The following SND1 variants were observed in gnomAD, a reference collection of about 807,000 sequenced individuals.
SND1 encodes staphylococcal nuclease domain-containing protein 1.
In SND1, 38 loss-of-function variants were observed where a neutral mutation model predicts 121.7. That is an observed-to-expected ratio of 0.31 (90% CI 0.24 to 0.41). The LOEUF (loss-of-function observed/expected upper bound fraction) is 0.41, where lower values mean the gene tolerates loss of function less well. Ranked by LOEUF, SND1 falls within the 10% of genes least tolerant of loss-of-function variation. The pLI is 1.00. For synonymous variants in SND1, 401 were observed against 447.4 expected, an observed-to-expected ratio of 0.90 and a Z score of 1.31; for missense variants, 868 against 1,184.6, an observed-to-expected ratio of 0.73 and a Z score of 3.92.
chr7:127,849,205 A>G (rs923404800), intron 12 of SND1, among the ~76,000 whole-genome samples: 3 of 152,144 alleles, frequency 2.0e-5, no homozygotes, highest in African/African-American at 7.2e-5. Flanking sequence ...TAAGACACTT[A>G]AATAACTCTT....
Position 128,089,376 on chromosome 7 carries a change from G to A in SND1, c.2419-113G>A, listed in dbSNP as rs1356294303. 3 of 1,049,886 alleles carry A rather than the reference G, an allele frequency of 2.9e-6. No homozygotes were observed. In the African/African-American group the frequency reaches 4.8e-5, roughly 17 times the overall value. The allele number at this position is 1,049,886 out of a possible 1,614,324, so 65.0% of individuals were successfully genotyped here. A position where few individuals can be genotyped will look rare whatever the true frequency, so the allele number is the denominator to read the frequency against. On this transcript the variant is annotated intron_variant, in intron 21 of 23. Transcript: ENST00000354725. ...GCCAACCTCACTAGGGTTCTCTGGGGAGAAAATTACAGGCCCCTGCTGGCC... is the reference window on the plus strand; with the variant it reads ...GCCAACCTCACTAGGGTTCTCTGGGAAGAAAATTACAGGCCCCTGCTGGCC...
intron 10 of SND1, among the ~76,000 whole-genome samples, chr7:127,765,464 A>G (rs142160178): frequency 6.6e-6 from 1 of 152,348 alleles, no homozygotes; most frequent in Non-Finnish European, 1.5e-5. Context: ...TGAGAATAGT[A>G]AAATATCACA....
At chr7:127,788,522 GACCCAAT>G in intron 10 of SND1, among the ~76,000 whole-genome samples, 1 of 152,096 alleles carries the variant, frequency 6.6e-6, no homozygotes, top group Non-Finnish European at 1.5e-5. Flanking sequence ...GTTCTCTCTT[GACCCAAT>G]ACCCTCCTTT....
At chr7:127,957,191 G>A (rs1391271229) in intron 15 of SND1, among the ~76,000 whole-genome samples, 1 of 152,174 alleles carries the variant, frequency 6.6e-6, no homozygotes, top group African/African-American at 2.4e-5. Flanking sequence ...TTGTTATGTT[G>A]TCCCTGCTGC....
intron 15 of SND1, among the ~76,000 whole-genome samples, chr7:127,953,913 T>A (rs551440732): frequency 1.3e-5 from 2 of 152,358 alleles, no homozygotes; most frequent in East Asian, 3.9e-4. Context: ...CAGCATTCAG[T>A]GTAGCTACTT....
At chr7:127,834,680 C>T (rs1798832671) in intron 11 of SND1, among the ~76,000 whole-genome samples, 1 of 152,110 alleles carries the variant, frequency 6.6e-6, no homozygotes, top group Non-Finnish European at 1.5e-5. Flanking sequence ...TACTTAGCCA[C>T]AAAACTGACA....
At chr7:127,879,292 T>A (rs1044337405) in intron 12 of SND1, among the ~76,000 whole-genome samples, 3 of 152,164 alleles carry the variant, frequency 2.0e-5, no homozygotes, top group Non-Finnish European at 4.4e-5. Flanking sequence ...AGAACATGGA[T>A]GTTAGACATC....
intron 15 of SND1, among the ~76,000 whole-genome samples, chr7:127,951,479 A>C (rs760240558): frequency 2.0e-5 from 3 of 152,220 alleles, no homozygotes; most frequent in Non-Finnish European, 2.9e-5. Flanking sequence ...TATGTGAGAC[A>C]ATTAAGTTCT....
At chr7:128,004,303 T>C (rs947645155) in intron 16 of SND1, among the ~76,000 whole-genome samples, 27 of 152,146 alleles carry the variant, frequency 1.8e-4, no homozygotes, top group Non-Finnish European at 1.5e-4. Context: ...AAAAGGTGAA[T>C]ACTCAGGTGT....
intron 10 of SND1, among the ~76,000 whole-genome samples, chr7:127,723,304 G>A (rs1438462895): frequency 1.3e-5 from 2 of 152,180 alleles, no homozygotes; most frequent in Non-Finnish European, 2.9e-5. Context: ...TGGAATTGGA[G>A]TATTTCCTAG....
At chr7:127,728,262 T>C (rs1361498533) in intron 10 of SND1, among the ~76,000 whole-genome samples, 1 of 152,188 alleles carries the variant, frequency 6.6e-6, no homozygotes, top group East Asian at 1.9e-4. Flanking sequence ...CTCCTAGTCT[T>C]GGTGGTTTAT....
Position 128,029,418 on chromosome 7 carries a change from G to A in SND1, c.1779+38362G>A, listed in dbSNP as rs1322619380. The A allele has an allele frequency of 5.0e-6, 8 of 1,614,180 alleles. No individual in the cohort carries two copies. In the Admixed American group the frequency reaches 1.3e-4, roughly 27 times the overall value. The stretch of plus-strand genomic sequence containing the variant: ...AAGCAGCACGTGGGAAAAGTTCAAG[G>A]TGCCGTCGTTGAGGACAGAGATCCT... On this transcript the variant is annotated intron_variant, in intron 16 of 23. Transcript: ENST00000354725. This position sits in a 1 kb window ranked among gnomAD's most constrained non-coding sequence, Gnocchi z 4.2.
chr7:127,726,124 G>A (rs1796577563), intron 10 of SND1, among the ~76,000 whole-genome samples: 1 of 152,206 alleles, frequency 6.6e-6, no homozygotes, highest in Non-Finnish European at 1.5e-5. Context: ...TGGAGCCAGA[G>A]GAAGTACTTG....
chr7:127,892,437 G>T (rs1800025504), intron 13 of SND1, among the ~76,000 whole-genome samples: 1 of 152,092 alleles, frequency 6.6e-6, no homozygotes. Flanking sequence ...CAGCAGCTCT[G>T]TTCAGTTCGC....
chr7:128,028,970 C>G lies in SND1; in HGVS notation c.1779+37914C>G, dbSNP rs754708450. 9 of 1,608,926 alleles carry G rather than the reference C, an allele frequency of 5.6e-6. No homozygotes were observed. In the South Asian group the frequency reaches 9.9e-5, roughly 18 times the overall value. ...CAGTCCGGGCGGCTGTGACTGTACT[C>G]CGCTGCTGGTGCCGCTTACGAAGTT... On this transcript the variant is annotated intron_variant, in intron 16 of 23. Coordinates refer to ENST00000354725, the MANE Select transcript of SND1 (RefSeq NM_014390.4).
intron 12 of SND1, among the ~76,000 whole-genome samples, chr7:127,853,944 G>GT (rs1799220916): frequency 6.6e-6 from 1 of 152,136 alleles, no homozygotes; most frequent in African/African-American, 2.4e-5. Context: ...ACTCACTGTG[G>GT]TTTTTTGTAT....
chr7:127,919,875 T>A (rs1213968596), intron 14 of SND1, among the ~76,000 whole-genome samples: 2 of 152,206 alleles, frequency 1.3e-5, no homozygotes, highest in African/African-American at 2.4e-5. Flanking sequence ...ATGTTTACGA[T>A]TTGAGTAAAG....
At chr7:127,707,801 G>GTGTGTC (rs1796227690) in intron 9 of SND1, among the ~76,000 whole-genome samples, 154 bp downstream of exon 9, 1 of 151,608 alleles carries the variant, frequency 6.6e-6, no homozygotes, top group Non-Finnish European at 1.5e-5. Flanking sequence ...GTGTGTGTGT[G>GTGTGTC]TGTGTGTGTG....
At chr7:127,981,354 G>A (rs1053481071) in intron 15 of SND1, among the ~76,000 whole-genome samples, 2 of 152,130 alleles carry the variant, frequency 1.3e-5, no homozygotes, top group Non-Finnish European at 2.9e-5. Context: ...TGACATTATT[G>A]CAGCTGCTGC....
Sources: gnomAD v4.1 joint callset for allele counts (sites outside exome capture counted in the v4.1 genomes callset) on GRCh38, gnomAD v4.1.1 for gene constraint, Gnocchi (gnomAD v3.1) non-coding constraint, MANE v1.5 for transcripts, NCBI Gene and HGNC (gene_info 2026-07-23, HGNC 2026-07-21) for gene names.